Variants in NREP observed in about 807,000 individuals in gnomAD.
NREP encodes the protein neuronal regeneration related protein, also known as neuronal regeneration-related protein.
Under a neutral mutation model 8.6 loss-of-function variants are expected in NREP, and 5 were observed. The ratio of observed to expected loss-of-function variants is 0.58; its 90% CI spans 0.30 to 1.22. The LOEUF (loss-of-function observed/expected upper bound fraction) is 1.22, where lower values mean the gene tolerates loss of function less well. NREP is among the 50% of genes most tolerant of loss of function. The pLI is 0.07. For missense variants in NREP, 86 were observed against 82.5 expected (o/e 1.04, Z -0.17); for synonymous variants, 27 against 28.0 (o/e 0.96, Z 0.11).
At chr5:111,757,698 A>G, upstream of NREP, 5 of 984,202 alleles carry the variant, frequency 5.1e-6, no homozygotes, top group Non-Finnish European at 6.0e-6. Flanking sequence ...CCGGGGAGAC[A>G]AAGCGGACCC....
intron 2 of NREP, among the ~76,000 whole-genome samples, chr5:111,956,434 A>T (rs1057363246): frequency 2.6e-5 from 4 of 152,170 alleles, no homozygotes; most frequent in Admixed American, 1.3e-4. Context: ...TAAATACTAG[A>T]TTAAAGCAAT....
At chr5:111,943,791 G>A (rs1393482916) in intron 2 of NREP, among the ~76,000 whole-genome samples, 1 of 152,064 alleles carries the variant, frequency 6.6e-6, no homozygotes, top group African/African-American at 2.4e-5. Flanking sequence ...TTTCTGTTTT[G>A]TGAATTGTTT....
intron 2 of NREP, among the ~76,000 whole-genome samples, chr5:111,806,144 G>A (rs916926050): frequency 2.0e-5 from 3 of 152,090 alleles, no homozygotes; most frequent in African/African-American, 7.2e-5. Context: ...AAAGCTAGGG[G>A]TTAGGCTTAG....
chr5:111,742,410 A>C (rs576974209), intron 2 of NREP, among the ~76,000 whole-genome samples: 1 of 152,256 alleles, frequency 6.6e-6, no homozygotes, highest in South Asian at 2.1e-4. Context: ...AAGGAAAAGG[A>C]AATCTCCTTG....
At chr5:111,965,989 G>GT (rs1172075049) in intron 2 of NREP, among the ~76,000 whole-genome samples, 1 of 152,218 alleles carries the variant, frequency 6.6e-6, no homozygotes, top group Non-Finnish European at 1.5e-5. Flanking sequence ...CAACCGTGAT[G>GT]TGAATGGCCT....
At chr5:111,873,906 C>T (rs1753845570) in intron 2 of NREP, among the ~76,000 whole-genome samples, 1 of 152,168 alleles carries the variant, frequency 6.6e-6, no homozygotes, top group Admixed American at 6.5e-5. Flanking sequence ...TCTTCCCACT[C>T]TCTTCCCATT....
intron 2 of NREP, among the ~76,000 whole-genome samples, chr5:111,932,754 AG>A (rs1755576609): frequency 6.6e-6 from 1 of 152,128 alleles, no homozygotes; most frequent in Non-Finnish European, 1.5e-5. Flanking sequence ...GCCAACTAAA[AG>A]GTCACGTAAT....
intron 2 of NREP, among the ~76,000 whole-genome samples, chr5:111,939,394 T>C (rs1003532674): frequency 6.6e-6 from 1 of 152,032 alleles, no homozygotes; most frequent in African/African-American, 2.4e-5. Context: ...CTTTTAAAGA[T>C]ACTTTAGAGC....
At chr5:111,885,677 A>G (rs1754223782) in intron 2 of NREP, among the ~76,000 whole-genome samples, 1 of 152,192 alleles carries the variant, frequency 6.6e-6, no homozygotes, top group African/African-American at 2.4e-5. Flanking sequence ...GCATATCTTC[A>G]ACTATCTGAT....
At position 111,903,212 on chromosome 5, in the gene NREP, G is replaced by A. The variant is rs1334359912; in HGVS notation, c.135+72062C>T. Among the ~76,000 whole-genome samples, 8 of 150,518 alleles carry A rather than the reference G, an allele frequency of 5.3e-5. No homozygotes were observed. In the Admixed American group the frequency reaches 5.3e-4, roughly 10 times the overall value. ...GATTCTTGTGCCTCAGCCTCCCAAAGTAGTTGGGACTATAGTTGTATGCTA... is the reference window on the plus strand; with the variant it reads ...GATTCTTGTGCCTCAGCCTCCCAAAATAGTTGGGACTATAGTTGTATGCTA... On this transcript the variant is annotated intron_variant, in intron 2 of 3. Coordinates refer to the NREP transcript ENST00000395634.
At chr5:111,877,850 C>A (rs1444897591) in intron 2 of NREP, among the ~76,000 whole-genome samples, 1 of 152,150 alleles carries the variant, frequency 6.6e-6, no homozygotes, top group Non-Finnish European at 1.5e-5. Flanking sequence ...TTGGGTGTTC[C>A]CCCCTCACCA....
chr5:111,751,162 CA>C (rs1750336697), intron 2 of NREP, among the ~76,000 whole-genome samples: 1 of 152,092 alleles, frequency 6.6e-6, no homozygotes, highest in African/African-American at 2.4e-5. Context: ...CTTTACCAAG[CA>C]CTATATGAAG....
chr5:111,807,676 T>C (rs1182612006), intron 2 of NREP, among the ~76,000 whole-genome samples: 1 of 152,116 alleles, frequency 6.6e-6, no homozygotes, highest in Admixed American at 6.5e-5. Flanking sequence ...AAAAACCAGA[T>C]TTCAGGGACA....
upstream of NREP, chr5:111,757,820 A>T (rs1407108758): frequency 5.2e-6 from 5 of 965,586 alleles, no homozygotes; most frequent in African/African-American, 1.8e-5. Flanking sequence ...TTTTCAGACA[A>T]ATAAGGAGGT....
At chr5:111,885,351 C>A (rs1353404630) in intron 2 of NREP, among the ~76,000 whole-genome samples, 2 of 151,894 alleles carry the variant, frequency 1.3e-5, no homozygotes, top group African/African-American at 4.8e-5. Context: ...GAAGAACATT[C>A]CATGCTCATG....
At chr5:111,855,449 T>C (rs1256095878) in intron 2 of NREP, among the ~76,000 whole-genome samples, 1 of 152,198 alleles carries the variant, frequency 6.6e-6, no homozygotes, top group Non-Finnish European at 1.5e-5. Flanking sequence ...TTTAACCAAA[T>C]AGGTCTATAA....
At chr5:111,746,211 A>C (rs916700692) in intron 2 of NREP, among the ~76,000 whole-genome samples, 39 of 152,274 alleles carry the variant, frequency 2.6e-4, no homozygotes, top group Non-Finnish European at 4.7e-4. Flanking sequence ...CTCATATAGT[A>C]AAATTAAAGT....
At chr5:111,923,606 C>G (rs1455436533) in intron 2 of NREP, among the ~76,000 whole-genome samples, 1 of 152,148 alleles carries the variant, frequency 6.6e-6, no homozygotes, top group Non-Finnish European at 1.5e-5. Context: ...AGCTATTCTC[C>G]AGGGTTTATT....
chr5:111,890,155 A>T (rs1162828901), intron 2 of NREP, among the ~76,000 whole-genome samples: 3 of 152,230 alleles, frequency 2.0e-5, no homozygotes, highest in Admixed American at 6.5e-5. Context: ...GAAATCAGCC[A>T]AAAGTAAGGG....
Sources: allele counts gnomAD v4.1 joint callset (sites outside exome capture counted in the v4.1 genomes callset), GRCh38; gene constraint gnomAD v4.1.1; transcripts MANE v1.5; gene names NCBI Gene and HGNC (gene_info 2026-07-23, HGNC 2026-07-21).